The following MED1 variants were observed in gnomAD, a reference collection of about 807,000 sequenced individuals.
MED1 encodes mediator of RNA polymerase II transcription subunit 1.
A neutral mutation model predicts 121.3 loss-of-function variants in MED1; 17 were observed. That is an observed-to-expected ratio of 0.14 (90% CI 0.10 to 0.21). The LOEUF (loss-of-function observed/expected upper bound fraction) is 0.21. Ranked by LOEUF, MED1 falls within the 10% of genes least tolerant of loss-of-function variation. The pLI is 1.00. For missense variants in MED1, 1,558 were observed against 1,919.4 expected (o/e 0.81, Z 3.52); for synonymous variants, 661 against 694.4 (o/e 0.95, Z 0.76).
intron 1 of MED1, among the ~76,000 whole-genome samples, chr17:39,449,844 C>T (rs1170557217): frequency 1.0e-3 from 102 of 97,196 alleles, no homozygotes; most frequent in African/African-American, 3.9e-3. Context: ...GACGAAGTTT[C>T]GCTCTTGTAG....
chr17:39,426,167 C>A (rs2048513645), intron 10 of MED1, among the ~76,000 whole-genome samples: 1 of 151,758 alleles, frequency 6.6e-6, no homozygotes, highest in African/African-American at 2.4e-5. Flanking sequence ...AATAAAGGAG[C>A]CTGACGCCAA....
Position 39,451,177 on chromosome 17 carries a change from T to G in MED1, c.-115A>C, listed in dbSNP as rs937860865. On this transcript the variant is annotated 5_prime_UTR_variant, in exon 1 of 17. Coordinates refer to ENST00000300651, the MANE Select transcript of MED1 (RefSeq NM_004774.4). ...GACGCAGGGCACCAGCAGTCCCTAC[T>G]CTTCCCGGGAAGGATCAATCTGAAG... 2 of 1,208,796 alleles carry G rather than the reference T, an allele frequency of 1.7e-6. No individual in the cohort carries two copies. The highest frequency in any genetic ancestry group is 2.4e-6 in the Non-Finnish European group (2 of 831,268). 74.9% of individuals were successfully genotyped at this position (1,208,796 alleles called of 1,614,324 possible).
Position 39,451,179 on chromosome 17 carries a change from T to G in MED1, c.-117A>C. On this transcript the variant is annotated 5_prime_UTR_variant, in exon 1 of 17. Transcript: ENST00000300651. ...CGCAGGGCACCAGCAGTCCCTACTCTTCCCGGGAAGGATCAATCTGAAGTC... is the reference window on the plus strand; with the variant it reads ...CGCAGGGCACCAGCAGTCCCTACTCGTCCCGGGAAGGATCAATCTGAAGTC... 1.7e-6 allele frequency: 2 copies of G among 1,159,058 alleles called. No individual in the cohort carries two copies. Among genetic ancestry groups the G allele is most frequent in the Non-Finnish European group, 2.5e-6 (2 of 793,226 alleles). The allele number at this position is 1,159,058 out of a possible 1,614,324, so 71.8% of individuals were successfully genotyped here.
In MED1 at chr17:39,451,021, C is replaced by A; in HGVS notation, c.25+17G>T. On this transcript the variant is annotated intron_variant, in intron 1 of 16. Coordinates refer to ENST00000300651, the MANE Select transcript of MED1 (RefSeq NM_004774.4). The stretch of plus-strand genomic sequence containing the variant: ...CCAGTTGTGTCCCGCCCCCTCCTTT[C>A]CCCTACAGTCACTTACCCTCGGTTT... 1 of 1,607,598 alleles carries A rather than the reference C, an allele frequency of 6.2e-7. No homozygotes were observed. Among genetic ancestry groups the A allele is most frequent in the Non-Finnish European group, 8.5e-7 (1 of 1,176,196 alleles).
chr17:39,446,449 CAA>C (rs71300068), intron 2 of MED1, among the ~76,000 whole-genome samples: 49 of 61,918 alleles, frequency 7.9e-4, no homozygotes, highest in East Asian at 1.9e-3. Context: ...CACTCCATCT[CAA>C]AAAAAAAAAA....
intron 9 of MED1, 79 bp downstream of exon 9, chr17:39,431,036 A>G: frequency 1.5e-6 from 2 of 1,321,392 alleles, no homozygotes; most frequent in African/African-American, 2.9e-5. Context: ...TAAACAAACA[A>G]ACTAAAGGTG....
At position 39,431,149 on chromosome 17, in the gene MED1, A is replaced by ATGAAGAATC; in HGVS notation, c.606_614dup (p.Leu204_His205insGlnIleLeu). 1 of 1,613,844 alleles carries ATGAAGAATC rather than the reference A, an allele frequency of 6.2e-7. No homozygotes were observed. Among genetic ancestry groups the ATGAAGAATC allele is most frequent in the Non-Finnish European group, 8.5e-7 (1 of 1,179,732 alleles). On this transcript the variant is annotated inframe_insertion, in exon 9 of 17. Transcript: ENST00000300651. ...TTGGTGTGAGATAGCCAACACTTCCATGAAGAATCTTATCCAAGGGACCAG... is the reference window on the plus strand; with the variant it reads ...TTGGTGTGAGATAGCCAACACTTCCATGAAGAATCTGAAGAATCTTATCCAAGGGACCAG...
At chr17:39,442,620 A>C (rs1271455843) in intron 3 of MED1, among the ~76,000 whole-genome samples, 29 of 149,260 alleles carry the variant, frequency 1.9e-4, no homozygotes, top group African/African-American at 7.1e-4. Context: ...AAAAAAAAAA[A>C]ACTTCGCGAG....
intron 8 of MED1, 48 bp from the exon 9 acceptor site, chr17:39,431,236 CT>C (rs1234827298): frequency 1.4e-6 from 2 of 1,440,580 alleles, no homozygotes; most frequent in Non-Finnish European, 1.9e-6. Flanking sequence ...CCCTGATGGT[CT>C]TGGTACACAC....
At chr17:39,414,947 C>T (rs1421961576) in intron 16 of MED1, 79 bp downstream of exon 16, 8 of 1,270,594 alleles carry the variant, frequency 6.3e-6, no homozygotes, top group Admixed American at 1.7e-5. Flanking sequence ...GGATTACAGG[C>T]GTGAGCCACC....
intron 13 of MED1, among the ~76,000 whole-genome samples, chr17:39,421,048 G>A (rs1172717776): frequency 4.6e-5 from 7 of 151,172 alleles, no homozygotes; most frequent in South Asian, 2.1e-4. Flanking sequence ...TGCCCGCCTC[G>A]GCCTCCCAAA....
intron 11 of MED1, 32 bp downstream of exon 11, chr17:39,424,595 A>C: frequency 1.4e-6 from 2 of 1,417,788 alleles, no homozygotes; most frequent in Non-Finnish European, 2.0e-6. Flanking sequence ...AGAAAAATTG[A>C]CTTTGCTACT....
At chr17:39,437,090 G>A (rs954058386) in intron 6 of MED1, among the ~76,000 whole-genome samples, 4 of 152,100 alleles carry the variant, frequency 2.6e-5, no homozygotes, top group East Asian at 3.8e-4. Flanking sequence ...GTGCCACCAC[G>A]CACGGCTAAT....
Position 39,447,903 on chromosome 17 carries a change from C to A in MED1, c.27G>T (p.Glu9Asp). The A allele has an allele frequency of 6.2e-7, 1 of 1,604,408 alleles. No homozygotes were observed. The highest frequency in any genetic ancestry group is 8.5e-7 in the Non-Finnish European group (1 of 1,172,478). Residue 9 changes from glutamate (E) to aspartate (D), a missense_variant and splice_region_variant, in exon 2 of 17, where the codon GAG becomes GAT. By Grantham distance (45) the Glu-to-Asp change is conservative. This residue lies in a region of MED1 where 443 missense variants were observed against 532.4 expected (regional missense o/e 0.83). Transcript: ENST00000300651. ...AACTCATCTTACTCAGCTTTTCTGA[C>A]TCTATGATTTAAATCAGAAAACGTT... The part of the protein sequence containing the change: MKAQGETE[E>D]SEKLSKMSSL...
At chr17:39,413,897 T>C (rs2048378757) in intron 16 of MED1, among the ~76,000 whole-genome samples, 1 of 131,538 alleles carries the variant, frequency 7.6e-6, no homozygotes, top group South Asian at 2.5e-4. Flanking sequence ...CCCATTACTC[T>C]CATAGTAATA....
chr17:39,426,988 A>G (rs888381648), intron 10 of MED1, among the ~76,000 whole-genome samples: 5 of 151,968 alleles, frequency 3.3e-5, no homozygotes, highest in Admixed American at 3.3e-4. Context: ...ATGCACGATC[A>G]TGGTATGCTA....
Position 39,431,894 on chromosome 17 carries a change from G to A in MED1, c.575+48C>T, listed in dbSNP as rs552671694. 9.0e-5 allele frequency: 125 copies of A among 1,384,272 alleles called. No homozygotes were observed. In the South Asian group the frequency reaches 1.4e-3, roughly 15 times the overall value. 85.7% of individuals were successfully genotyped at this position (1,384,272 alleles called of 1,614,324 possible). On this transcript the variant is annotated intron_variant, in intron 8 of 16. Transcript: ENST00000300651. ...ATAAAATAGGACCCTAATCTCCCCAGAGAAAAACTCAAGGGATCATGTAGA... is the reference window on the plus strand; with the variant it reads ...ATAAAATAGGACCCTAATCTCCCCAAAGAAAAACTCAAGGGATCATGTAGA...
At chr17:39,443,100 C>T (rs1316114691) in intron 3 of MED1, among the ~76,000 whole-genome samples, 1 of 146,088 alleles carries the variant, frequency 6.8e-6, no homozygotes, top group African/African-American at 2.5e-5. Flanking sequence ...CTCCCCAGGT[C>T]ACACTGTTCT....
At chr17:39,412,561 C>CA (rs1389406012) in intron 16 of MED1, among the ~76,000 whole-genome samples, 1 of 133,790 alleles carries the variant, frequency 7.5e-6, no homozygotes, top group African/African-American at 2.8e-5. Context: ...TTCTTTGAGA[C>CA]AGAGTCTCGC....
Sources: allele counts gnomAD v4.1 joint callset (sites outside exome capture counted in the v4.1 genomes callset), GRCh38; gene constraint gnomAD v4.1.1; regional missense constraint gnomAD v4.1.1; transcripts MANE v1.5; gene names NCBI Gene and HGNC (gene_info 2026-07-23, HGNC 2026-07-21).